UBE2B: variants seen among roughly 807,000 people sequenced by gnomAD.
UBE2B encodes ubiquitin conjugating enzyme E2 B.
Under a neutral mutation model 24.6 loss-of-function variants are expected in UBE2B, and 11 were observed. The observed-to-expected ratio is 0.45, with a 90% CI of 0.28 to 0.74. The LOEUF (loss-of-function observed/expected upper bound fraction) is 0.74, where lower values mean the gene tolerates loss of function less well. Among genes scored for constraint, UBE2B ranks in the 30% least tolerant of loss-of-function variants. UBE2B has a pLI of 0.13. For missense variants in UBE2B, 78 were observed against 185.6 expected (o/e 0.42, Z 3.37); for synonymous variants, 68 against 62.4 (o/e 1.09, Z -0.42).
At chr5:134,378,944 A>C (rs1758655325) in intron 3 of UBE2B, among the ~76,000 whole-genome samples, 2 of 151,948 alleles carry the variant, frequency 1.3e-5, no homozygotes, top group African/African-American at 4.8e-5. Context: ...AAAAAAAAAA[A>C]AACAGTGGGG....
chr5:134,379,643 CAACAAAAAA>C (rs1758671460), intron 3 of UBE2B, among the ~76,000 whole-genome samples: 1 of 92,248 alleles, frequency 1.1e-5, no homozygotes, highest in East Asian at 3.6e-4. Flanking sequence ...GACTCTGTCT[CAACAAAAAA>C]AAAAAAAAAA....
chr5:134,391,372 A>C lies in UBE2B; in HGVS notation c.*1019A>C, dbSNP rs1350453906. The C allele has an allele frequency of 6.6e-6, 1 of 152,352 alleles. No homozygotes were observed. The highest frequency in any genetic ancestry group is 6.6e-5 in the Admixed American group (1 of 15,230). 9.4% of individuals were successfully genotyped at this position (152,352 alleles called of 1,614,324 possible). A position where few individuals can be genotyped will look rare whatever the true frequency, so the allele number is the denominator to read the frequency against. Reference sequence around the variant, plus strand: ...CCTGCTGAGTTGCTTCTTCTTGTGGAGATTTTTTTTTTAATCTCCTGAGTT... The same window carrying C: ...CCTGCTGAGTTGCTTCTTCTTGTGGCGATTTTTTTTTTAATCTCCTGAGTT... On this transcript the variant is annotated 3_prime_UTR_variant, in exon 6 of 6. Coordinates refer to ENST00000265339, the MANE Select transcript of UBE2B (RefSeq NM_003337.4).
chr5:134,386,106 C>A (rs766325304), intron 4 of UBE2B, among the ~76,000 whole-genome samples: 1 of 151,120 alleles, frequency 6.6e-6, no homozygotes, highest in Non-Finnish European at 1.5e-5. Context: ...GTGGGCAGAT[C>A]ACCTGAGGTC....
At position 134,391,980 on chromosome 5, in the gene UBE2B, ATTAC is replaced by A. The variant is rs1309092760; in HGVS notation, c.*1630_*1633del. 6.6e-6 allele frequency: 1 copy of A among 152,088 alleles called. No homozygotes were observed. The highest frequency in any genetic ancestry group is 1.5e-5 in the Non-Finnish European group (1 of 68,030). 9.4% of individuals were successfully genotyped at this position (152,088 alleles called of 1,614,324 possible). A position where few individuals can be genotyped will look rare whatever the true frequency, so the allele number is the denominator to read the frequency against. Reference sequence around the variant, plus strand: ...TACCCTGTCTTTAAAAATAAAAGCTATTACTTGGCAAATTCTGAGGTAAGTGTAT... The same window carrying A: ...TACCCTGTCTTTAAAAATAAAAGCTATTGGCAAATTCTGAGGTAAGTGTAT... On this transcript the variant is annotated 3_prime_UTR_variant, in exon 6 of 6. Coordinates refer to ENST00000265339, the MANE Select transcript of UBE2B (RefSeq NM_003337.4).
chr5:134,388,266 T>C (rs987177874), intron 4 of UBE2B, 59 bp from the exon 5 acceptor site: 1 of 1,418,364 alleles, frequency 7.1e-7, no homozygotes, highest in African/African-American at 1.4e-5. Context: ...TTGGTAAAGA[T>C]TTCTCTTAAC....
chr5:134,377,823 C>T (rs953953867), intron 3 of UBE2B, among the ~76,000 whole-genome samples: 7 of 152,142 alleles, frequency 4.6e-5, no homozygotes, highest in Non-Finnish European at 7.4e-5. Context: ...TAAGTAGTTT[C>T]GTATCTTAGA....
intron 2 of UBE2B, among the ~76,000 whole-genome samples, 197 bp from the exon 3 acceptor site, chr5:134,376,472 T>A (rs892266767): frequency 6.7e-6 from 1 of 148,480 alleles, no homozygotes; most frequent in Non-Finnish European, 1.5e-5. Flanking sequence ...AAAAGAAAGC[T>A]TAGAATGAAA....
chr5:134,376,348 A>AATATATATATATATATATATAT (rs1190025064), intron 2 of UBE2B, among the ~76,000 whole-genome samples: 91 of 4,712 alleles, frequency 0.019, 8 homozygotes, highest in Non-Finnish European at 0.029. Flanking sequence ...AAAAAAAAAA[A>AATATATATATATATATATATAT]ATATATATAT....
intron 2 of UBE2B, among the ~76,000 whole-genome samples, chr5:134,375,795 C>T (rs1189957264): frequency 1.3e-5 from 1 of 77,602 alleles, no homozygotes; most frequent in African/African-American, 5.2e-5. Flanking sequence ...GAGACTCCGT[C>T]TCAAAAAAAA....
At chr5:134,379,369 G>A (rs1315593716) in intron 3 of UBE2B, among the ~76,000 whole-genome samples, 1 of 151,696 alleles carries the variant, frequency 6.6e-6, no homozygotes, top group African/African-American at 2.4e-5. Context: ...TTTTTTGCTG[G>A]GTGCAGTGGT....
chr5:134,385,431 C>T (rs1758784013), intron 4 of UBE2B, among the ~76,000 whole-genome samples: 1 of 152,192 alleles, frequency 6.6e-6, no homozygotes, highest in South Asian at 2.1e-4. Flanking sequence ...TTGCTCCCCA[C>T]TCTCTGTTAT....
intron 4 of UBE2B, among the ~76,000 whole-genome samples, chr5:134,382,716 G>A (rs1035726180): frequency 1.3e-5 from 2 of 151,426 alleles, no homozygotes; most frequent in African/African-American, 4.9e-5. Context: ...TGAGGCTGTA[G>A]CAAGCCATGA....
At chr5:134,380,990 G>A (rs548793979) in intron 4 of UBE2B, among the ~76,000 whole-genome samples, 182 bp downstream of exon 4, 2 of 98,290 alleles carry the variant, frequency 2.0e-5, no homozygotes, top group African/African-American at 4.0e-5. Flanking sequence ...TTTTTGAGAC[G>A]GAGTCTCGCT....
At chr5:134,388,125 A>G in intron 4 of UBE2B, 200 bp from the exon 5 acceptor site, 1 of 581,828 alleles carries the variant, frequency 1.7e-6, no homozygotes. Flanking sequence ...TTTCAACATG[A>G]GATTTGGAGG....
chr5:134,375,238 G>A (rs549911041), intron 2 of UBE2B, among the ~76,000 whole-genome samples: 1 of 152,284 alleles, frequency 6.6e-6, no homozygotes, highest in South Asian at 2.1e-4. Flanking sequence ...ATAACAGAAT[G>A]CAGCCATTTG....
intron 3 of UBE2B, among the ~76,000 whole-genome samples, chr5:134,377,206 T>C (rs1356121738): frequency 6.6e-6 from 1 of 152,228 alleles, no homozygotes; most frequent in Non-Finnish European, 1.5e-5. Context: ...CTAGTTCTAA[T>C]ACCGAATTTA....
At chr5:134,380,953 GGA>G in intron 4 of UBE2B, 145 bp downstream of exon 4, 1 of 267,216 alleles carries the variant, frequency 3.7e-6, no homozygotes, top group Non-Finnish European at 6.8e-6. Flanking sequence ...ATTTTGTTGT[GGA>G]TTTTTTTTTT....
At chr5:134,374,946 CA>C (rs200071902) in intron 2 of UBE2B, among the ~76,000 whole-genome samples, 78 of 140,074 alleles carry the variant, frequency 5.6e-4, no homozygotes, top group Admixed American at 6.4e-4. Flanking sequence ...GATCCTGTAT[CA>C]AAAAAAAAAA....
At chr5:134,376,145 C>G (rs2149690440) in intron 2 of UBE2B, among the ~76,000 whole-genome samples, 1 of 149,676 alleles carries the variant, frequency 6.7e-6, no homozygotes, top group African/African-American at 2.5e-5. Context: ...ACCAGCCTGG[C>G]CAATATGGTG....
Sources: gnomAD v4.1 joint callset for allele counts (sites outside exome capture counted in the v4.1 genomes callset) on GRCh38, gnomAD v4.1.1 for gene constraint, MANE v1.5 for transcripts, NCBI Gene and HGNC (gene_info 2026-07-23, HGNC 2026-07-21) for gene names.